Variants in MAML3 observed in about 807,000 individuals in gnomAD.
MAML3 encodes mastermind-like protein 3.
MAML3 carries 27 observed loss-of-function variants against 101.9 expected under a neutral mutation model. That is an observed-to-expected ratio of 0.27 (90% CI 0.20 to 0.37). The LOEUF is 0.37. MAML3 is among the 10% of genes least tolerant of loss of function. MAML3 has a pLI of 1.00. For synonymous variants in MAML3, 501 were observed against 555.9 expected (o/e 0.90, Z 1.39); for missense variants, 1,316 against 1,444.9 (o/e 0.91, Z 1.45).
intron 1 of MAML3, among the ~76,000 whole-genome samples, chr4:140,073,456 A>AT (rs1727699182): frequency 6.6e-6 from 1 of 151,852 alleles, no homozygotes; most frequent in Non-Finnish European, 1.5e-5. Context: ...TTTCAACAAA[A>AT]TTTCTTATAG....
intron 1 of MAML3, among the ~76,000 whole-genome samples, chr4:139,929,056 G>C (rs1733326415): frequency 6.6e-6 from 1 of 152,142 alleles, no homozygotes; most frequent in Non-Finnish European, 1.5e-5. Context: ...ATTTCAAAAG[G>C]AGATATTAAA....
intron 1 of MAML3, among the ~76,000 whole-genome samples, chr4:139,954,614 G>A (rs1277674718): frequency 6.6e-6 from 1 of 152,226 alleles, no homozygotes; most frequent in Non-Finnish European, 1.5e-5. Flanking sequence ...AATCCAGGCA[G>A]CAACTGGTCT....
intron 1 of MAML3, among the ~76,000 whole-genome samples, chr4:139,894,091 A>G (rs186375452): frequency 1.3e-5 from 2 of 152,300 alleles, no homozygotes; most frequent in Non-Finnish European, 2.9e-5. Context: ...ACACCTGAAC[A>G]CTCACATGTG....
chr4:139,838,433 C>T (rs1472210139), intron 2 of MAML3, among the ~76,000 whole-genome samples: 4 of 152,096 alleles, frequency 2.6e-5, no homozygotes, highest in Admixed American at 6.5e-5. Context: ...TGGGGAGGAG[C>T]GTATCCATTA....
At chr4:139,816,644 C>T (rs1407651765) in intron 2 of MAML3, among the ~76,000 whole-genome samples, 1 of 152,104 alleles carries the variant, frequency 6.6e-6, no homozygotes, top group Non-Finnish European at 1.5e-5. Flanking sequence ...TGTGCTGCAT[C>T]TTCTTTCAAG....
intron 1 of MAML3, among the ~76,000 whole-genome samples, chr4:140,020,409 GA>G: frequency 7.5e-6 from 1 of 133,856 alleles, no homozygotes; most frequent in South Asian, 2.3e-4. Flanking sequence ...ATTTGAGGCT[GA>G]TTTTTTTTTT....
At chr4:139,748,685 C>T (rs1263006339) in intron 2 of MAML3, among the ~76,000 whole-genome samples, 1 of 152,122 alleles carries the variant, frequency 6.6e-6, no homozygotes, top group Non-Finnish European at 1.5e-5. Context: ...GGGTAAGGAG[C>T]AAAAGCACAA....
rs144525692 is a variant in MAML3 at position 140,137,021 on chromosome 4, T to C, written c.468+15839A>G. ...TTTTTGTTTTTGAGACGGAGTCTCG[T>C]TCTTTCGCCCAGGCTGGACTGCAGT... On this transcript the variant is annotated intron_variant, in intron 1 of 4. Coordinates refer to ENST00000509479, the MANE Select transcript of MAML3 (RefSeq NM_018717.5). 1.5e-4 allele frequency among the ~76,000 whole-genome samples: 23 copies of C among 152,378 alleles called. No homozygotes were observed. The South Asian group carries it at 3.5e-3, about 23-fold the overall frequency.
At chr4:139,956,528 G>A (rs1018750689) in intron 1 of MAML3, among the ~76,000 whole-genome samples, 5 of 152,116 alleles carry the variant, frequency 3.3e-5, no homozygotes, top group Non-Finnish European at 7.4e-5. Context: ...ATTTGCCTTT[G>A]GCATAAAAAG....
At chr4:139,925,068 C>T (rs1004661361) in intron 1 of MAML3, among the ~76,000 whole-genome samples, 1 of 151,816 alleles carries the variant, frequency 6.6e-6, no homozygotes, top group African/African-American at 2.4e-5. Context: ...AAAAATGAGA[C>T]CTTTAGAGCA....
intron 2 of MAML3, among the ~76,000 whole-genome samples, chr4:139,790,388 T>C (rs1730388268): frequency 6.6e-6 from 1 of 151,466 alleles, no homozygotes; most frequent in South Asian, 2.1e-4. Flanking sequence ...TTTTTCATTG[T>C]AGAAAACATA....
chr4:139,984,617 AC>A, intron 1 of MAML3, among the ~76,000 whole-genome samples: 1 of 152,220 alleles, frequency 6.6e-6, no homozygotes, highest in East Asian at 1.9e-4. Flanking sequence ...AACAGAACCA[AC>A]ATGAGATTTA....
intron 2 of MAML3, among the ~76,000 whole-genome samples, chr4:139,789,439 G>C (rs1291511498): frequency 1.3e-5 from 2 of 152,146 alleles, no homozygotes; most frequent in Non-Finnish European, 2.9e-5. Flanking sequence ...GCAGAGTCTA[G>C]AAAGCAGAAT....
chr4:140,093,668 TC>T (rs757245153), intron 1 of MAML3, among the ~76,000 whole-genome samples: 2 of 152,080 alleles, frequency 1.3e-5, no homozygotes, highest in Non-Finnish European at 2.9e-5. Context: ...GATCTCGTGA[TC>T]CGCCCGTCTC....
At chr4:140,116,571 CGTTAGA>C (rs1728522053) in intron 1 of MAML3, among the ~76,000 whole-genome samples, 2 of 152,206 alleles carry the variant, frequency 1.3e-5, no homozygotes, top group Admixed American at 1.3e-4. Context: ...CAGAAAGTCA[CGTTAGA>C]GACTGCCACT....
At chr4:139,980,049 G>A (rs530130047) in intron 1 of MAML3, among the ~76,000 whole-genome samples, 1 of 152,278 alleles carries the variant, frequency 6.6e-6, no homozygotes, top group African/African-American at 2.4e-5. Flanking sequence ...TGGCTGGCCT[G>A]CTACAGAGCT....
chr4:139,783,344 G>A (rs1730249449), intron 2 of MAML3, among the ~76,000 whole-genome samples: 1 of 152,168 alleles, frequency 6.6e-6, no homozygotes, highest in Admixed American at 6.5e-5. Context: ...GGTCCTAATT[G>A]TTGTCAAGCG....
At chr4:139,883,859 A>G (rs1403506099) in intron 2 of MAML3, among the ~76,000 whole-genome samples, 1 of 136,806 alleles carries the variant, frequency 7.3e-6, no homozygotes, top group Non-Finnish European at 1.6e-5. Flanking sequence ...CAGGTTCTTA[A>G]AGTTTTTTTT....
intron 2 of MAML3, among the ~76,000 whole-genome samples, chr4:139,887,566 G>A (rs1424656073): frequency 2.0e-5 from 3 of 152,154 alleles, no homozygotes; most frequent in East Asian, 1.9e-4. Flanking sequence ...TCATGTTCCC[G>A]CAAAGACAGG....
Sources: allele counts gnomAD v4.1 joint callset (sites outside exome capture counted in the v4.1 genomes callset), GRCh38; gene constraint gnomAD v4.1.1; transcripts MANE v1.5; gene names NCBI Gene and HGNC (gene_info 2026-07-23, HGNC 2026-07-21).